YEATS2: variants seen among roughly 807,000 people sequenced by gnomAD.
YEATS2 encodes the protein YEATS domain containing 2.
Under a neutral mutation model 163.2 loss-of-function variants are expected in YEATS2, and 77 were observed. That is an observed-to-expected ratio of 0.47 (90% CI 0.39 to 0.57). YEATS2 has a LOEUF of 0.57. Ranked by LOEUF, YEATS2 falls within the 20% of genes least tolerant of loss-of-function variation. The probability of loss-of-function intolerance (pLI) is 0.00; values close to 1 mark genes in which losing one functional copy is unlikely to be tolerated. For missense variants in YEATS2, 1,549 were observed against 1,729.8 expected (o/e 0.90, Z 1.85); for synonymous variants, 631 against 645.1 (o/e 0.98, Z 0.33).
intron 15 of YEATS2, among the ~76,000 whole-genome samples, chr3:183,763,041 ACT>A (rs1332300791): frequency 2.0e-5 from 3 of 147,678 alleles, no homozygotes; most frequent in Admixed American, 1.4e-4. Context: ...ACAGAGAGAG[ACT>A]CTGTCTCAAA....
chr3:183,735,871 T>A (rs972753622), intron 7 of YEATS2, among the ~76,000 whole-genome samples: 1 of 152,184 alleles, frequency 6.6e-6, no homozygotes, highest in Non-Finnish European at 1.5e-5. Context: ...ATATCTTCTC[T>A]CATTACTAAT....
intron 14 of YEATS2, 126 bp from the exon 15 acceptor site, chr3:183,761,971 C>G: frequency 7.8e-7 from 1 of 1,286,506 alleles, no homozygotes; most frequent in East Asian, 2.3e-5. Flanking sequence ...CTGGTGGAGT[C>G]ATTCTTTACG....
intron 13 of YEATS2, among the ~76,000 whole-genome samples, chr3:183,760,108 C>CT (rs1281297375): frequency 6.6e-6 from 1 of 152,110 alleles, no homozygotes; most frequent in African/African-American, 2.4e-5. Flanking sequence ...AGGCTGTTCT[C>CT]TAAGTTCTGT....
At chr3:183,741,276 A>G (rs753178486) in intron 8 of YEATS2, among the ~76,000 whole-genome samples, 3 of 151,950 alleles carry the variant, frequency 2.0e-5, no homozygotes, top group Non-Finnish European at 2.9e-5. Context: ...GCGCTTATTT[A>G]CCATCCAGTA....
At position 183,801,455 on chromosome 3, in the gene YEATS2, G is replaced by A. The variant is rs1725657960; in HGVS notation, c.3429G>A (p.Lys1143=). The A allele has an allele frequency of 4.4e-6, 7 of 1,607,452 alleles. No individual in the cohort carries two copies. The highest frequency in any genetic ancestry group is 5.1e-6 in the Non-Finnish European group (6 of 1,176,910). Residue 1143 remains lysine (K), a splice_region_variant and synonymous_variant, in exon 25 of 31, where the codon AAG becomes AAA. Transcript: ENST00000305135. ...ESSELGNYVI[K]IDHLETIQQL... is the part of the protein sequence containing the mutation. ...CTTAATTTTTTTTTATCTCTCTCAGGATAGACCATTTAGAAACTATCCAGC... is the reference window on the plus strand; with the variant it reads ...CTTAATTTTTTTTTATCTCTCTCAGAATAGACCATTTAGAAACTATCCAGC...
intron 8 of YEATS2, among the ~76,000 whole-genome samples, chr3:183,744,774 T>C (rs542167411): frequency 2.7e-4 from 41 of 152,314 alleles, no homozygotes; most frequent in African/African-American, 9.1e-4. Context: ...CTTCTAAATA[T>C]TTGTTTAGTT....
intron 22 of YEATS2, among the ~76,000 whole-genome samples, chr3:183,798,642 C>G (rs1251554786): frequency 6.6e-6 from 1 of 152,216 alleles, no homozygotes; most frequent in African/African-American, 2.4e-5. Context: ...GTGTGAGCCA[C>G]TGCCCCTGGC....
intron 11 of YEATS2, among the ~76,000 whole-genome samples, chr3:183,754,756 G>A (rs149261174): frequency 5.3e-5 from 8 of 152,308 alleles, no homozygotes; most frequent in African/African-American, 1.9e-4. Flanking sequence ...TTAAGGGTTA[G>A]AGTTGGTTGG....
intron 1 of YEATS2, among the ~76,000 whole-genome samples, chr3:183,701,591 C>T (rs373173524): frequency 8.6e-5 from 13 of 151,394 alleles, no homozygotes; most frequent in Admixed American, 7.9e-4. Context: ...ACAAGGTCTC[C>T]CTATGTTGTC....
At chr3:183,803,800 T>G in intron 26 of YEATS2, 187 bp from the exon 27 acceptor site, 2 of 628,428 alleles carry the variant, frequency 3.2e-6, no homozygotes, top group Non-Finnish European at 5.4e-6. Context: ...AGTTGCTGTT[T>G]TATTGTATTA....
At position 183,804,172 on chromosome 3, in the gene YEATS2, G is replaced by A. The variant is rs773127400; in HGVS notation, c.3768G>A (p.Gln1256=). 6.2e-7 allele frequency: 1 copy of A among 1,614,166 alleles called. No homozygotes were observed. Among genetic ancestry groups the A allele is most frequent in the South Asian group, 1.1e-5 (1 of 91,074 alleles). ...DGDSIEDVLT[Q]IDSEPECPSS... is the part of the protein sequence containing the mutation. Reference sequence around the variant, plus strand: ...ACTCCATCGAGGACGTGCTGACCCAGATCGACAGCGAGCCCGGTAAGCCTT... The same window carrying A: ...ACTCCATCGAGGACGTGCTGACCCAAATCGACAGCGAGCCCGGTAAGCCTT... Residue 1256 remains glutamine (Q), a synonymous_variant, in exon 27 of 31, where the codon CAG becomes CAA. Coordinates refer to ENST00000305135, the MANE Select transcript of YEATS2 (RefSeq NM_018023.5).
chr3:183,792,502 T>G (rs986712174), intron 21 of YEATS2, among the ~76,000 whole-genome samples: 1 of 152,166 alleles, frequency 6.6e-6, no homozygotes, highest in African/African-American at 2.4e-5. Flanking sequence ...GGCTGCAAGA[T>G]TATATTGTAT....
chr3:183,771,718 A>ATTTT (rs10592078), intron 15 of YEATS2, among the ~76,000 whole-genome samples: 4 of 100,218 alleles, frequency 4.0e-5, no homozygotes, highest in African/African-American at 9.0e-5. Flanking sequence ...GTACTGGCTA[A>ATTTT]TTTTTTTTTT....
chr3:183,803,785 C>T (rs1725912992), intron 26 of YEATS2: 1 of 599,922 alleles, frequency 1.7e-6, no homozygotes, highest in Non-Finnish European at 2.9e-6. Context: ...AAGGCCAAAC[C>T]TAGGAGTTGC....
intron 15 of YEATS2, among the ~76,000 whole-genome samples, chr3:183,763,732 T>G (rs1484753167): frequency 2.0e-5 from 3 of 152,148 alleles, no homozygotes; most frequent in East Asian, 1.9e-4. Flanking sequence ...CAGGGTTAAA[T>G]TACCTCAACT....
Position 183,728,762 on chromosome 3 carries a change from C to T in YEATS2, c.723C>T (p.Ser241=). 6.2e-7 allele frequency: 1 copy of T among 1,613,996 alleles called. No individual in the cohort carries two copies. Among genetic ancestry groups the T allele is most frequent in the Non-Finnish European group, 8.5e-7 (1 of 1,179,976 alleles). ...AGTGGATGGTATATGTCCGAGGGTCCCGTAGAGAACCCAGCATTAATCATT... is the reference window on the plus strand; with the variant it reads ...AGTGGATGGTATATGTCCGAGGGTCTCGTAGAGAACCCAGCATTAATCATT... ...THKWMVYVRG[S]RREPSINHFV... is the part of the protein sequence containing the mutation. The change falls in exon 7 of 31, where the codon TCC becomes TCT. Residue 241 remains serine (S), a synonymous_variant. Transcript: ENST00000305135.
chr3:183,773,908 G>C, intron 17 of YEATS2, 114 bp downstream of exon 17: 12 of 1,276,726 alleles, frequency 9.4e-6, no homozygotes, highest in Non-Finnish European at 1.3e-5. Flanking sequence ...TAACTCTGTT[G>C]GGTGGTGTAA....
chr3:183,747,583 C>G (rs570566457), intron 8 of YEATS2, 89 bp from the exon 9 acceptor site: 14 of 1,090,128 alleles, frequency 1.3e-5, no homozygotes, highest in Non-Finnish European at 1.7e-5. Context: ...TGAAGACTTG[C>G]AAAAGAGCTG....
At chr3:183,715,052 A>G in intron 1 of YEATS2, 92 bp from the exon 2 acceptor site, 1 of 671,528 alleles carries the variant, frequency 1.5e-6, no homozygotes, top group Non-Finnish European at 2.6e-6. Flanking sequence ...TTGTTTGTAC[A>G]CATATATTTG....
Sources: gnomAD v4.1 joint callset for allele counts (sites outside exome capture counted in the v4.1 genomes callset) on GRCh38, gnomAD v4.1.1 for gene constraint, MANE v1.5 for transcripts, NCBI Gene and HGNC (gene_info 2026-07-23, HGNC 2026-07-21) for gene names.